The following CDC42EP3 variants were observed in gnomAD, a reference collection of about 807,000 sequenced individuals.
The protein encoded by CDC42EP3 is CDC42 effector protein (Rho GTPase binding) 3.
CDC42EP3 carries 4 observed loss-of-function variants against 15.5 expected under a neutral mutation model. The ratio of observed to expected loss-of-function variants is 0.26; its 90% CI spans 0.13 to 0.59. The LOEUF is 0.59. Ranked by LOEUF, CDC42EP3 falls within the 20% of genes least tolerant of loss-of-function variation. CDC42EP3 has a pLI of 0.89. For missense variants in CDC42EP3, 309 were observed against 311.2 expected, an observed-to-expected ratio of 0.99 and a Z score of 0.05; for synonymous variants, 145 against 130.3, an observed-to-expected ratio of 1.11 and a Z score of -0.77.
Position 37,645,915 on chromosome 2 carries a change from A to T in CDC42EP3, c.673T>A (p.Ser225Thr), listed in dbSNP as rs141661783. The T allele has an allele frequency of 6.2e-7, 1 of 1,613,180 alleles. No homozygotes were observed. Among genetic ancestry groups the T allele is most frequent in the South Asian group, 1.1e-5 (1 of 90,964 alleles). The change falls in exon 2 of 2, where the codon TCT becomes ACT. Residue 225 changes from serine to threonine, a missense_variant. Ser to Thr is a moderately conservative substitution (Grantham distance 58). Transcript: ENST00000295324. ...GAGAGGAGGGAACCTGTAAGGTCAGAGAGGGACTCCTCTGACTTAGTCTTT... is the reference window on the plus strand; with the variant it reads ...GAGAGGAGGGAACCTGTAAGGTCAGTGAGGGACTCCTCTGACTTAGTCTTT... Reference protein sequence around the residue: ...KGKTKSEESLSDLTGSLLSLQ... With the variant: ...KGKTKSEESLTDLTGSLLSLQ...
chr2:37,645,960 G>T lies in CDC42EP3; in HGVS notation c.628C>A (p.Pro210Thr), dbSNP rs200546253. The T allele has an allele frequency of 1.2e-4, 197 of 1,613,974 alleles. No individual in the cohort carries two copies. The highest frequency in any genetic ancestry group is 1.6e-4 in the Non-Finnish European group (184 of 1,179,980). The change falls in exon 2 of 2, where the codon CCA (proline) becomes ACA (threonine). Residue 210 changes from proline (P) to threonine (T), a missense_variant. By Grantham distance (38) the Pro-to-Thr change is conservative. Transcript: ENST00000295324. ...GTCTTTCCCTTGATGAGCTCGCATG[G>T]GGTGGGATGGTCAAACATGTCCTCG... ...PAEDMFDHPTPCELIKGKTKS... is the reference protein window; with the variant it reads ...PAEDMFDHPTTCELIKGKTKS...
intron 1 of CDC42EP3, among the ~76,000 whole-genome samples, chr2:37,655,003 C>T (rs1665803110): frequency 6.6e-6 from 1 of 152,160 alleles, no homozygotes; most frequent in Non-Finnish European, 1.5e-5. Context: ...ACCCAGTAAC[C>T]CGAAGGGGAT....
At chr2:37,655,636 G>C (rs1665824043) in intron 1 of CDC42EP3, among the ~76,000 whole-genome samples, 1 of 152,122 alleles carries the variant, frequency 6.6e-6, no homozygotes, top group Non-Finnish European at 1.5e-5. Flanking sequence ...CACCAGGGCT[G>C]GTCAGAAGCA....
chr2:37,671,628 A>G lies in CDC42EP3; in HGVS notation c.-438T>C, dbSNP rs1393956123. On this transcript the variant is annotated 5_prime_UTR_variant, in exon 1 of 2. Transcript: ENST00000295324. ...CGCTGCGGTCCCCCGGCCGCGAGAG[A>G]AGGTGCGCGCGACTGAGCGCGGGGC... The G allele has an allele frequency of 6.6e-6, 1 of 152,150 alleles. No individual in the cohort carries two copies. Among genetic ancestry groups the G allele is most frequent in the Non-Finnish European group, 1.5e-5 (1 of 67,880 alleles). 9.4% of individuals were successfully genotyped at this position (152,150 alleles called of 1,614,324 possible).
chr2:37,661,915 G>A (rs1222186272), intron 1 of CDC42EP3, among the ~76,000 whole-genome samples: 1 of 152,074 alleles, frequency 6.6e-6, no homozygotes, highest in Non-Finnish European at 1.5e-5. Flanking sequence ...CGACAGAGCT[G>A]GGCCTAGGAG....
chr2:37,669,803 A>G (rs1188491057), intron 1 of CDC42EP3, among the ~76,000 whole-genome samples: 1 of 152,202 alleles, frequency 6.6e-6, no homozygotes, highest in African/African-American at 2.4e-5. Context: ...GGAAACCCGC[A>G]TTCTTTGGGA....
chr2:37,656,167 T>C (rs868694315), intron 1 of CDC42EP3, among the ~76,000 whole-genome samples: 1 of 152,258 alleles, frequency 6.6e-6, no homozygotes, highest in Admixed American at 6.5e-5. Context: ...CTTTTCTGTA[T>C]GATACCAGCA....
chr2:37,654,036 T>C (rs1665770741), intron 1 of CDC42EP3, among the ~76,000 whole-genome samples: 1 of 152,216 alleles, frequency 6.6e-6, no homozygotes, highest in Non-Finnish European at 1.5e-5. Flanking sequence ...ACTGCACTAC[T>C]GCACCATCTG....
rs1337701427 is a variant in CDC42EP3, at chr2:37,669,248, AAAAAAAT to A, written c.-236+2171_-236+2177del. 9.0e-3 allele frequency among the ~76,000 whole-genome samples: 1,355 copies of A among 149,942 alleles called. 24 individuals are homozygous for A. The highest frequency in any genetic ancestry group is 0.031 in the African/African-American group (1,267 of 41,162). ...ATGGCCTGGCTAAAAAAAAAAAAAA[AAAAAAAT>A]CTTTGGGTGATACAGGTGAAAGCAA... On this transcript the variant is annotated intron_variant, in intron 1 of 1. Transcript: ENST00000295324.
upstream of CDC42EP3, chr2:37,672,047 A>G (rs1250558192): frequency 5.3e-5 from 8 of 151,928 alleles, no homozygotes; most frequent in East Asian, 1.4e-3. Flanking sequence ...CCGCACTAAA[A>G]CTCGTGCGCC....
chr2:37,655,694 A>G (rs878958779), intron 1 of CDC42EP3, among the ~76,000 whole-genome samples: 69 of 152,294 alleles, frequency 4.5e-4, no homozygotes, highest in Admixed American at 3.6e-3. Context: ...TGATAAGGCC[A>G]TTGCTGTGAA....
intron 1 of CDC42EP3, among the ~76,000 whole-genome samples, chr2:37,654,302 G>C (rs1299376036): frequency 6.6e-6 from 1 of 152,190 alleles, no homozygotes; most frequent in Non-Finnish European, 1.5e-5. Flanking sequence ...AGGCAAATGG[G>C]AGGAAGTGAA....
chr2:37,657,273 T>C (rs941834346), intron 1 of CDC42EP3, among the ~76,000 whole-genome samples: 5 of 152,120 alleles, frequency 3.3e-5, no homozygotes, highest in African/African-American at 1.2e-4. Flanking sequence ...CCAGATGCAC[T>C]TCCTTCCTGG....
At chr2:37,654,895 T>C (rs1665799931) in intron 1 of CDC42EP3, among the ~76,000 whole-genome samples, 1 of 152,212 alleles carries the variant, frequency 6.6e-6, no homozygotes, top group African/African-American at 2.4e-5. Context: ...CTTCTCTGAA[T>C]AATTTTAAAA....
intron 1 of CDC42EP3, among the ~76,000 whole-genome samples, chr2:37,669,841 T>A (rs1321681112): frequency 6.6e-6 from 1 of 152,226 alleles, no homozygotes; most frequent in African/African-American, 2.4e-5. Flanking sequence ...CAACCATTCC[T>A]TGACTATAGA....
Position 37,646,309 on chromosome 2 carries a change from A to G in CDC42EP3, c.279T>C (p.Ser93=). 1.9e-6 allele frequency: 3 copies of G among 1,614,224 alleles called. No individual in the cohort carries two copies. The African/African-American group carries it at 4.0e-5, about 22-fold the overall frequency. The change falls in exon 2 of 2, where the codon TCT becomes TCC. Residue 93 remains serine, a synonymous_variant. Transcript: ENST00000295324. The part of the protein sequence containing the change: ...EFFRANSTSD[S]VFTETPSPVL... ...CCGGGGAGGGCGTTTCTGTGAACAC[A>G]GAGTCCGAGGTGCTGTTGGCCCGGA...
upstream of CDC42EP3, chr2:37,672,656 G>A (rs1277832791): frequency 6.6e-6 from 1 of 152,286 alleles, no homozygotes; most frequent in Non-Finnish European, 1.5e-5. Context: ...CCTGGGGAAG[G>A]AGTAGGCGAC....
rs1251881800 is a variant in CDC42EP3, at chr2:37,656,984, CCCCCCACCCCCCG to C, written c.-235-10175_-235-10163del. 1.6e-4 allele frequency among the ~76,000 whole-genome samples: 14 copies of C among 86,398 alleles called. 1 individual carries two copies. The highest frequency in any genetic ancestry group is 7.6e-4 in the African/African-American group (13 of 17,080). 56.7% of individuals were successfully genotyped at this position (86,398 alleles called of 152,430 possible). On this transcript the variant is annotated intron_variant, in intron 1 of 1. Transcript: ENST00000295324. ...TTGAATTGTAAAGTAACAAAGCCCC[CCCCCCACCCCCCG>C]CCCCCCGCCATCCTCGAGGAGAAAA...
chr2:37,672,627 C>T (rs1666470655), upstream of CDC42EP3: 1 of 152,252 alleles, frequency 6.6e-6, no homozygotes, highest in African/African-American at 2.4e-5. Flanking sequence ...CCGTCTCTTC[C>T]TCCTCCGCGA....
Sources: allele counts gnomAD v4.1 joint callset (sites outside exome capture counted in the v4.1 genomes callset), GRCh38; gene constraint gnomAD v4.1.1; transcripts MANE v1.5; gene names NCBI Gene and HGNC (gene_info 2026-07-23, HGNC 2026-07-21).